ZEB1: variants seen among roughly 807,000 people sequenced by gnomAD.
ZEB1 encodes zinc finger E-box-binding homeobox 1.
In ZEB1, 21 loss-of-function variants were observed where a neutral mutation model predicts 84.9. The observed-to-expected ratio is 0.25, with a 90% CI of 0.18 to 0.36. ZEB1 has a LOEUF of 0.36. Ranked by LOEUF, ZEB1 falls within the 10% of genes least tolerant of loss-of-function variation. The pLI is 1.00. For missense variants in ZEB1, 1,104 were observed against 1,330.2 expected (o/e 0.83, Z 2.65); for synonymous variants, 420 against 471.1 (o/e 0.89, Z 1.41).
At chr10:31,400,175 G>A (rs564901109) in intron 1 of ZEB1, among the ~76,000 whole-genome samples, 1 of 152,036 alleles carries the variant, frequency 6.6e-6, no homozygotes, top group South Asian at 2.1e-4. Context: ...TCCTCCACTA[G>A]AATATAAAGG....
At chr10:31,441,612 G>C (rs2058998270) in intron 1 of ZEB1, among the ~76,000 whole-genome samples, 1 of 152,080 alleles carries the variant, frequency 6.6e-6, no homozygotes, top group Non-Finnish European at 1.5e-5. Context: ...CCATCAGAGT[G>C]AACAGGCAAC....
rs2073707020 is a variant in ZEB1, at chr10:31,527,434, C to CACAT, written c.*173_*174insTACA. The CACAT allele has an allele frequency of 1.4e-6, 1 of 720,998 alleles. No individual in the cohort carries two copies. The highest frequency in any genetic ancestry group is 2.2e-6 in the Non-Finnish European group (1 of 452,932). 44.7% of individuals were successfully genotyped at this position (720,998 alleles called of 1,614,324 possible). A position where few individuals can be genotyped will look rare whatever the true frequency, so the allele number is the denominator to read the frequency against. On this transcript the variant is annotated 3_prime_UTR_variant, in exon 9 of 9. Transcript: ENST00000424869. ...CAAAACACACACACACACACACACA[C>CACAT]ACACACACACACACACACAAAATAA... is the stretch of plus-strand genomic sequence containing the variant.
intron 1 of ZEB1, among the ~76,000 whole-genome samples, chr10:31,372,368 C>A (rs570676504): frequency 1.2e-4 from 18 of 152,028 alleles, no homozygotes; most frequent in Non-Finnish European, 1.9e-4. Flanking sequence ...AGGATCAAAA[C>A]AGACTGTACA....
chr10:31,524,111 C>A lies in ZEB1; in HGVS notation c.2783C>A (p.Thr928Lys). The A allele has an allele frequency of 6.2e-7, 1 of 1,613,042 alleles. No individual in the cohort carries two copies. Among genetic ancestry groups the A allele is most frequent in the South Asian group, 1.1e-5 (1 of 91,028 alleles). The change falls in exon 8 of 9, where the codon ACA becomes AAA. Residue 928 changes from threonine (T) to lysine (K), a missense_variant and splice_region_variant. Around this residue, in one of 7 missense-constraint regions of ZEB1, gnomAD observed 53 missense variants for 92.5 expected, o/e 0.57. Transcript: ENST00000424869. ...SSLLRHKYEH[T>K]GKRPHECGIC... The stretch of plus-strand genomic sequence containing the variant: ...TTATTGAGACATAAATATGAACACA[C>A]AGGTATGTCAGTGAACACAAACATA...
At chr10:31,516,368 A>G (rs116275962) in intron 6 of ZEB1, among the ~76,000 whole-genome samples, 1,590 of 151,948 alleles carry the variant, frequency 0.01, 26 homozygotes, top group African/African-American at 0.037. Flanking sequence ...AGTAATTTTA[A>G]TTTAAAAATA....
chr10:31,403,274 A>G (rs979517161), intron 1 of ZEB1, among the ~76,000 whole-genome samples: 2 of 152,134 alleles, frequency 1.3e-5, no homozygotes, highest in Non-Finnish European at 2.9e-5. Context: ...AACTGAGTAT[A>G]CAACCTGATA....
intron 2 of ZEB1, among the ~76,000 whole-genome samples, chr10:31,474,316 C>T (rs1340208340): frequency 6.6e-6 from 1 of 151,572 alleles, no homozygotes; most frequent in Non-Finnish European, 1.5e-5. Flanking sequence ...ACTCATCTGA[C>T]AAAGGGCTAA....
intron 1 of ZEB1, among the ~76,000 whole-genome samples, chr10:31,340,226 G>A (rs2039085059): frequency 2.6e-5 from 4 of 152,090 alleles, no homozygotes; most frequent in Middle Eastern, 6.8e-3. Flanking sequence ...GGCATCAAGT[G>A]TTGTTTCTCC....
intron 2 of ZEB1, among the ~76,000 whole-genome samples, chr10:31,474,952 A>G (rs1325398137): frequency 3.9e-5 from 6 of 152,002 alleles, no homozygotes; most frequent in African/African-American, 1.2e-4. Context: ...TCAGTAAACT[A>G]TCGCAAGAAC....
At chr10:31,318,923 T>G, upstream of ZEB1, 20 of 429,396 alleles carry the variant, frequency 4.7e-5, no homozygotes, top group East Asian at 1.0e-4. Flanking sequence ...CCCGTCGCCT[T>G]TCTGACCGCG....
At chr10:31,432,808 G>A (rs1407784559) in intron 1 of ZEB1, among the ~76,000 whole-genome samples, 1 of 152,154 alleles carries the variant, frequency 6.6e-6, no homozygotes, top group African/African-American at 2.4e-5. Flanking sequence ...GTTACTACAT[G>A]TTAACATAAA....
intron 1 of ZEB1, among the ~76,000 whole-genome samples, chr10:31,449,647 T>C (rs2060291716): frequency 6.6e-6 from 1 of 152,204 alleles, no homozygotes; most frequent in Non-Finnish European, 1.5e-5. Flanking sequence ...TTCAAGTCCA[T>C]TGATTGCCCA....
chr10:31,528,802 TTA>T lies in ZEB1; in HGVS notation c.*1540_*1541del, dbSNP rs1181720651. On this transcript the variant is annotated 3_prime_UTR_variant, in exon 9 of 9. Transcript: ENST00000424869. ...TGCATTGAGATTTGATTTAACAGTG[TTA>T]TGTTAACATTTATACTTGCCTTGGA... is the stretch of plus-strand genomic sequence containing the variant. The T allele has an allele frequency of 6.6e-6, 1 of 152,204 alleles. No individual in the cohort carries two copies. The highest frequency in any genetic ancestry group is 6.5e-5 in the Admixed American group (1 of 15,272). The allele number at this position is 152,204 out of a possible 1,614,324, so 9.4% of individuals were successfully genotyped here.
intron 1 of ZEB1, among the ~76,000 whole-genome samples, chr10:31,394,748 A>G (rs2050387723): frequency 1.3e-5 from 2 of 152,240 alleles, no homozygotes; most frequent in East Asian, 3.8e-4. Flanking sequence ...ATATGCATGT[A>G]CTACAGATTT....
In ZEB1 at chr10:31,409,435, C is replaced by A. The variant is rs547490394; in HGVS notation, c.59-51602C>A. On this transcript the variant is annotated intron_variant, in intron 1 of 8. Transcript: ENST00000424869. ...GTAGCCTTGTAGTATAGTTTGAAGT[C>A]AGGTAGCATGATGCCTTCAGCTTTG... is the stretch of plus-strand genomic sequence containing the variant. Among the ~76,000 whole-genome samples, 3 of 152,278 alleles carry A rather than the reference C, an allele frequency of 2.0e-5. No homozygotes were observed. The East Asian group carries it at 5.8e-4, about 29-fold the overall frequency.
chr10:31,489,899 G>A (rs1294094054), intron 2 of ZEB1, among the ~76,000 whole-genome samples: 2 of 151,344 alleles, frequency 1.3e-5, no homozygotes, highest in Admixed American at 1.3e-4. Context: ...AGATCTGCCA[G>A]CAATGAACTA....
chr10:31,460,939 TA>T, intron 1 of ZEB1, 97 bp from the exon 2 acceptor site: 1 of 962,204 alleles, frequency 1.0e-6, no homozygotes, highest in Non-Finnish European at 1.6e-6. Flanking sequence ...AACATTGAAT[TA>T]CAATCTGTTT....
At chr10:31,398,470 T>G (rs893131204) in intron 1 of ZEB1, among the ~76,000 whole-genome samples, 1 of 152,196 alleles carries the variant, frequency 6.6e-6, no homozygotes, top group African/African-American at 2.4e-5. Flanking sequence ...TCATTATTTT[T>G]CCTTCACTAC....
intron 6 of ZEB1, among the ~76,000 whole-genome samples, chr10:31,515,691 C>T (rs948058420): frequency 6.6e-6 from 1 of 152,012 alleles, no homozygotes; most frequent in African/African-American, 2.4e-5. Context: ...CAATGTTAAA[C>T]GTGCTGAAGT....
Sources: allele counts gnomAD v4.1 joint callset (sites outside exome capture counted in the v4.1 genomes callset), GRCh38; gene constraint gnomAD v4.1.1; regional missense constraint gnomAD v4.1.1; transcripts MANE v1.5; gene names NCBI Gene and HGNC (gene_info 2026-07-23, HGNC 2026-07-21).